AREL1: variants seen among roughly 807,000 people sequenced by gnomAD.
The protein encoded by AREL1 is apoptosis resistant E3 ubiquitin protein ligase 1, also known as apoptosis-resistant E3 ubiquitin protein ligase 1.
AREL1 carries 62 observed loss-of-function variants against 99.0 expected under a neutral mutation model. The observed-to-expected ratio is 0.63, with a 90% confidence interval of 0.51 to 0.77. The LOEUF (loss-of-function observed/expected upper bound fraction) is 0.77. Among genes scored for constraint, AREL1 ranks in the 30% least tolerant of loss-of-function variants. The pLI, the probability that AREL1 is intolerant of heterozygous loss-of-function variation, is 0.00. For missense variants in AREL1, 879 were observed against 1,027.6 expected (o/e 0.86, Z 1.98); for synonymous variants, 380 against 376.5 (o/e 1.01, Z -0.11).
chr14:74,683,212 G>T (rs1205758875), intron 5 of AREL1, 84 bp downstream of exon 5: 1 of 916,998 alleles, frequency 1.1e-6, no homozygotes, highest in Non-Finnish European at 1.7e-6. Context: ...CTCAATAAAG[G>T]TATTATTTTT....
intron 1 of AREL1, among the ~76,000 whole-genome samples, chr14:74,706,220 A>G (rs2090175965): frequency 6.6e-6 from 1 of 152,160 alleles, no homozygotes; most frequent in Non-Finnish European, 1.5e-5. Context: ...TAACAGGAAG[A>G]TTTTAAAAGT....
intron 5 of AREL1, 108 bp from the exon 6 acceptor site, chr14:74,676,860 A>C: frequency 1.1e-6 from 1 of 897,272 alleles, no homozygotes; most frequent in Non-Finnish European, 1.5e-6. Flanking sequence ...GCAGTGGCGC[A>C]ATCTCGGCTC....
chr14:74,663,538 T>A lies in AREL1; in HGVS notation c.*182A>T. On this transcript the variant is annotated 3_prime_UTR_variant, in exon 20 of 20. Transcript: ENST00000356357. ...ATGCCAAAGTGGCCTGTGGTAGATA[T>A]GGGCAGGGAGCAGGTGAGGTAAAGA... is the stretch of plus-strand genomic sequence containing the variant. The A allele has an allele frequency of 3.1e-6, 2 of 648,910 alleles. No individual in the cohort carries two copies. The highest frequency in any genetic ancestry group is 5.5e-6 in the Non-Finnish European group (2 of 363,326). The allele number at this position is 648,910 out of a possible 1,614,324, so 40.2% of individuals were successfully genotyped here.
chr14:74,673,917 G>T, intron 9 of AREL1, 117 bp downstream of exon 9: 1 of 804,994 alleles, frequency 1.2e-6, no homozygotes, highest in Non-Finnish European at 2.0e-6. Flanking sequence ...AACGAATCCT[G>T]TGTACACTGT....
intron 1 of AREL1, among the ~76,000 whole-genome samples, chr14:74,706,856 T>G (rs1474845137): frequency 6.6e-6 from 1 of 152,202 alleles, no homozygotes; most frequent in African/African-American, 2.4e-5. Flanking sequence ...AGCTCTTAGC[T>G]TCTCAGGAAA....
Position 74,663,608 on chromosome 14 carries a change from C to G in AREL1, c.*112G>C. 2.7e-6 allele frequency: 3 copies of G among 1,094,226 alleles called. No homozygotes were observed. Among genetic ancestry groups the G allele is most frequent in the Non-Finnish European group, 4.2e-6 (3 of 716,368 alleles). 67.8% of individuals were successfully genotyped at this position (1,094,226 alleles called of 1,614,324 possible). A position where few individuals can be genotyped will look rare whatever the true frequency, so the allele number is the denominator to read the frequency against. ...AATCCTCCAGACACAGGGGAGCATG[C>G]GGCATCTTCTGGCTGATGGTTATGT... On this transcript the variant is annotated 3_prime_UTR_variant, in exon 20 of 20. Transcript: ENST00000356357.
Position 74,712,942 on chromosome 14 carries a change from G to C in AREL1, c.-343C>G. 5.8e-6 allele frequency: 4 copies of C among 690,098 alleles called. No homozygotes were observed. Among genetic ancestry groups the C allele is most frequent in the Non-Finnish European group, 7.9e-6 (3 of 378,242 alleles). 42.7% of individuals were successfully genotyped at this position (690,098 alleles called of 1,614,324 possible). On this transcript the variant is annotated 5_prime_UTR_variant, in exon 1 of 20. Coordinates refer to ENST00000356357, the MANE Select transcript of AREL1 (RefSeq NM_001039479.2). ...TGGAGAGAAACGTTACCCGAGCCGG[G>C]GGTTGCAGCGCGACGAAGTTCCACC...
At chr14:74,680,897 T>G (rs2089612369) in intron 5 of AREL1, among the ~76,000 whole-genome samples, 2 of 152,126 alleles carry the variant, frequency 1.3e-5, no homozygotes, top group African/African-American at 4.8e-5. Context: ...TCCAAGACAC[T>G]TCTAGGCAGA....
At chr14:74,673,582 G>C (rs1282926555) in intron 9 of AREL1, among the ~76,000 whole-genome samples, 1 of 152,192 alleles carries the variant, frequency 6.6e-6, no homozygotes, top group African/African-American at 2.4e-5. Context: ...CTGATCAGAA[G>C]AAAACTATTT....
chr14:74,710,061 T>C (rs767087003), intron 1 of AREL1, among the ~76,000 whole-genome samples: 1 of 152,234 alleles, frequency 6.6e-6, no homozygotes, highest in African/African-American at 2.4e-5. Context: ...CTCACAAGTA[T>C]GTGCCCAAAA....
chr14:74,684,740 TGCAACAG>T, intron 3 of AREL1, 60 bp from the exon 4 acceptor site: 1 of 1,482,636 alleles, frequency 6.7e-7, no homozygotes, highest in Non-Finnish European at 9.4e-7. Context: ...CTTTTCATTA[TGCAACAG>T]GCCAGCCATT....
At position 74,684,618 on chromosome 14, in the gene AREL1, C is replaced by G. The variant is rs746267641; in HGVS notation, c.79G>C (p.Ala27Pro). 29 of 1,614,056 alleles carry G rather than the reference C, an allele frequency of 1.8e-5. No individual in the cohort carries two copies. In the South Asian group the frequency reaches 3.2e-4, roughly 18 times the overall value. Reference protein sequence around the residue: ...FTIKFLFELAARVVSFLQNED... With the variant: ...FTIKFLFELAPRVVSFLQNED... ...TTCTGGAGGAAGCTGACTACACGTG[C>G]GGCAAGCTCAAAGAGGAACTTAATT... Residue 27 changes from alanine (A) to proline (P), a missense_variant, in exon 4 of 20, where the codon GCA becomes CCA. Coordinates refer to ENST00000356357, the MANE Select transcript of AREL1 (RefSeq NM_001039479.2).
intron 1 of AREL1, among the ~76,000 whole-genome samples, chr14:74,712,197 G>A (rs747069956): frequency 6.6e-6 from 1 of 151,504 alleles, no homozygotes; most frequent in Non-Finnish European, 1.5e-5. Flanking sequence ...TAAAATAAAA[G>A]AATTTATGTT....
At chr14:74,698,859 A>T (rs1390363392) in intron 1 of AREL1, 5 of 81,446 alleles carry the variant, frequency 6.1e-5, no homozygotes, top group East Asian at 3.2e-4. Context: ...TCCCATCTCT[A>T]AAAAAAAAAA....
At chr14:74,681,783 A>G (rs2089634589) in intron 5 of AREL1, among the ~76,000 whole-genome samples, 1 of 146,934 alleles carries the variant, frequency 6.8e-6, no homozygotes, top group African/African-American at 2.5e-5. Context: ...AAAAAGAAAA[A>G]AAAAAAAAGA....
Position 74,663,762 on chromosome 14 carries a change from C to A in AREL1, c.2430G>T (p.Gln810His). The A allele has an allele frequency of 6.2e-7, 1 of 1,614,200 alleles. No individual in the cohort carries two copies. Among genetic ancestry groups the A allele is most frequent in the African/African-American group, 1.3e-5 (1 of 75,050 alleles). Residue 810 changes from glutamine (Q) to histidine (H), a missense_variant, in exon 20 of 20, where the codon CAG (glutamine) becomes CAT (histidine). Transcript: ENST00000356357. ...CCTCGCAACCCTCGCTGATGGCCAG[C>A]TGCAGCATCCTGTGCACCTCTTCAT... is the stretch of plus-strand genomic sequence containing the variant. ...DSYEEVHRML[Q>H]LAISEGCEGF... is the part of the protein sequence containing the mutation.
At chr14:74,671,877 C>T (rs1047140359) in intron 11 of AREL1, 16 of 346,534 alleles carry the variant, frequency 4.6e-5, no homozygotes, top group African/African-American at 3.2e-4. Context: ...GATCTATCCA[C>T]TAGACATATT....
chr14:74,680,725 C>T (rs926575791), intron 5 of AREL1, among the ~76,000 whole-genome samples: 2 of 152,144 alleles, frequency 1.3e-5, no homozygotes, highest in African/African-American at 4.8e-5. Flanking sequence ...ATCCAAAAAC[C>T]AGAAATCCAA....
chr14:74,711,288 C>T (rs1016162141), intron 1 of AREL1, among the ~76,000 whole-genome samples: 1 of 150,966 alleles, frequency 6.6e-6, no homozygotes, highest in African/African-American at 2.4e-5. Context: ...GTCTGTAATC[C>T]CAGAACTTTG....
Sources: gnomAD v4.1 joint callset for allele counts (sites outside exome capture counted in the v4.1 genomes callset) on GRCh38, gnomAD v4.1.1 for gene constraint, MANE v1.5 for transcripts, NCBI Gene and HGNC (gene_info 2026-07-23, HGNC 2026-07-21) for gene names.